The following XYLT1 variants were observed in gnomAD, a reference collection of about 807,000 sequenced individuals.
XYLT1 encodes xylosyltransferase 1, also known as beta-D-xylosyltransferase 1.
In XYLT1, 36 loss-of-function variants were observed where a neutral mutation model predicts 91.3. That is an observed-to-expected ratio of 0.39 (90% CI 0.30 to 0.52). The LOEUF is 0.52. Ranked by LOEUF, XYLT1 falls within the 20% of genes least tolerant of loss-of-function variation. The probability of loss-of-function intolerance (pLI) is 0.68; values close to 1 mark genes in which losing one functional copy is unlikely to be tolerated. For missense variants in XYLT1, 1,242 were observed against 1,284.5 expected, an observed-to-expected ratio of 0.97 and a Z score of 0.51; for synonymous variants, 588 against 532.0, an observed-to-expected ratio of 1.11 and a Z score of -1.45.
intron 1 of XYLT1, among the ~76,000 whole-genome samples, chr16:17,359,161 G>T (rs546327987): frequency 6.6e-6 from 1 of 152,224 alleles, no homozygotes; most frequent in Non-Finnish European, 1.5e-5. Context: ...TAATCATCTT[G>T]GATTTATAAT....
rs1966838891 is a variant in XYLT1, at chr16:17,110,544, C to T, written c.2558-1527G>A. Among the ~76,000 whole-genome samples the T allele has an allele frequency of 1.3e-5, 2 of 149,162 alleles. 1 individual carries two copies. The highest frequency in any genetic ancestry group is 2.9e-5 in the Non-Finnish European group (2 of 68,032). The stretch of plus-strand genomic sequence containing the variant: ...CATCATGATGGTGAGGCCTCCCTGA[C>T]CATTGAAACTGTGAGTCCATTAAAC... On this transcript the variant is annotated intron_variant, in intron 11 of 11. Transcript: ENST00000261381.
intron 2 of XYLT1, among the ~76,000 whole-genome samples, chr16:17,320,275 G>T (rs1287622847): frequency 6.6e-6 from 1 of 152,174 alleles, no homozygotes; most frequent in Non-Finnish European, 1.5e-5. Flanking sequence ...AGCACAGCAG[G>T]TGCTCAATAA....
chr16:17,411,621 T>A (rs1261157638), intron 1 of XYLT1, among the ~76,000 whole-genome samples: 1 of 152,186 alleles, frequency 6.6e-6, no homozygotes, highest in African/African-American at 2.4e-5. Context: ...AAACACCCCT[T>A]GGTTGCCTCT....
chr16:17,404,405 A>G (rs1367999002), intron 1 of XYLT1, among the ~76,000 whole-genome samples: 2 of 152,234 alleles, frequency 1.3e-5, no homozygotes, highest in African/African-American at 4.8e-5. Flanking sequence ...TAACAGCCAC[A>G]GTAACTGACA....
At chr16:17,289,333 GC>G (rs2034188243) in intron 2 of XYLT1, among the ~76,000 whole-genome samples, 1 of 152,168 alleles carries the variant, frequency 6.6e-6, no homozygotes, top group South Asian at 2.1e-4. Flanking sequence ...ATTTGTGCCA[GC>G]TTTTTTCCCC....
rs893380612 is a variant in XYLT1, at chr16:17,357,904, CA to C, written c.402+107del. On this transcript the variant is annotated intron_variant, in intron 2 of 11. Coordinates refer to ENST00000261381, the MANE Select transcript of XYLT1 (RefSeq NM_022166.4). ...AGGCACACACACATCCAAATGGGACCAGGGGCAGCCATGGGCCTGTCCAGCC... is the reference window on the plus strand; with the variant it reads ...AGGCACACACACATCCAAATGGGACCGGGGCAGCCATGGGCCTGTCCAGCC... 8.8e-5 allele frequency: 106 copies of C among 1,204,680 alleles called. 1 individual carries two copies. Among genetic ancestry groups the C allele is most frequent in the South Asian group, 6.8e-4 (49 of 71,938 alleles). The allele number at this position is 1,204,680 out of a possible 1,614,324, so 74.6% of individuals were successfully genotyped here.
chr16:17,298,729 T>G (rs2034351864), intron 2 of XYLT1, among the ~76,000 whole-genome samples: 1 of 152,214 alleles, frequency 6.6e-6, no homozygotes, highest in African/African-American at 2.4e-5. Flanking sequence ...CGTCAGCTGC[T>G]GCTTCCTAAT....
intron 1 of XYLT1, among the ~76,000 whole-genome samples, chr16:17,399,986 G>T (rs1378299201): frequency 6.6e-6 from 1 of 152,218 alleles, no homozygotes; most frequent in Non-Finnish European, 1.5e-5. Context: ...CAACACAATC[G>T]CTAAGGATCC....
chr16:17,140,658 C>CAAAAAAAAAAAAAAAA (rs71137974), intron 7 of XYLT1, among the ~76,000 whole-genome samples: 3 of 68,004 alleles, frequency 4.4e-5, no homozygotes, highest in African/African-American at 1.8e-4. Flanking sequence ...AAGACTGTCT[C>CAAAAAAAAAAAAAAAA]AAAAAAAAAA....
At chr16:17,131,025 G>C (rs935626195) in intron 9 of XYLT1, among the ~76,000 whole-genome samples, 1 of 151,886 alleles carries the variant, frequency 6.6e-6, no homozygotes, top group Admixed American at 6.6e-5. Context: ...CTTGTGCTTA[G>C]GTACTGTCTG....
At chr16:17,313,800 C>G (rs900589297) in intron 2 of XYLT1, among the ~76,000 whole-genome samples, 1 of 152,072 alleles carries the variant, frequency 6.6e-6, no homozygotes, top group Non-Finnish European at 1.5e-5. Flanking sequence ...TTAACCTCTC[C>G]AAGACTCAGT....
chr16:17,462,129 T>C (rs2036831466), intron 1 of XYLT1, among the ~76,000 whole-genome samples: 2 of 152,162 alleles, frequency 1.3e-5, no homozygotes, highest in African/African-American at 4.8e-5. Flanking sequence ...GAGAAACAAA[T>C]GCCTCTTACC....
At chr16:17,110,711 A>G (rs972939910) in intron 11 of XYLT1, among the ~76,000 whole-genome samples, 2 of 152,088 alleles carry the variant, frequency 1.3e-5, no homozygotes, top group African/African-American at 4.8e-5. Context: ...TATCATTCCT[A>G]CTTTACAGAT....
intron 2 of XYLT1, among the ~76,000 whole-genome samples, chr16:17,315,098 G>A (rs1185446121): frequency 1.3e-5 from 2 of 152,220 alleles, no homozygotes; most frequent in Admixed American, 6.5e-5. Flanking sequence ...TGGCCCACCT[G>A]GGGAAAAGGC....
At chr16:17,344,249 A>G (rs111671957) in intron 2 of XYLT1, among the ~76,000 whole-genome samples, 21,620 of 151,576 alleles carry the variant, frequency 0.14, 2,202 homozygotes, top group African/African-American at 0.28. Context: ...TTGGGAGGCC[A>G]AGGCGGGCGG....
At chr16:17,443,347 G>C (rs114053853) in intron 1 of XYLT1, among the ~76,000 whole-genome samples, 3 of 152,056 alleles carry the variant, frequency 2.0e-5, no homozygotes, top group African/African-American at 4.8e-5. Flanking sequence ...TGTAATCCCC[G>C]TGTCGAGGGA....
chr16:17,309,314 T>C (rs971127280), intron 2 of XYLT1, among the ~76,000 whole-genome samples: 1 of 152,210 alleles, frequency 6.6e-6, no homozygotes, highest in Non-Finnish European at 1.5e-5. Context: ...CAAATGTCCC[T>C]TGGGGAGGCC....
intron 2 of XYLT1, among the ~76,000 whole-genome samples, chr16:17,262,026 CAGAGGCCCTTGA>C (rs2033730223): frequency 6.6e-6 from 1 of 151,808 alleles, no homozygotes; most frequent in African/African-American, 2.4e-5. Flanking sequence ...TTTTTCTATC[CAGAGGCCCTTGA>C]AGAGTCCCAA....
chr16:17,435,677 T>A (rs67792343), intron 1 of XYLT1, among the ~76,000 whole-genome samples: 1 of 151,906 alleles, frequency 6.6e-6, no homozygotes, highest in Non-Finnish European at 1.5e-5. Flanking sequence ...GTTCCTACTA[T>A]GTGCCAGGCT....
Sources: gnomAD v4.1 joint callset for allele counts (sites outside exome capture counted in the v4.1 genomes callset) on GRCh38, gnomAD v4.1.1 for gene constraint, MANE v1.5 for transcripts, NCBI Gene and HGNC (gene_info 2026-07-23, HGNC 2026-07-21) for gene names.